The following SMAP1 variants were observed in gnomAD, a reference collection of about 807,000 sequenced individuals.
SMAP1 encodes the protein small ArfGAP 1.
In SMAP1, 24 loss-of-function variants were observed where a neutral mutation model predicts 58.5. The observed-to-expected ratio is 0.41, with a 90% CI of 0.30 to 0.58. The LOEUF is 0.58. SMAP1 is among the 20% of genes least tolerant of loss of function. The probability of loss-of-function intolerance (pLI) is 0.29; values close to 1 mark genes in which losing one functional copy is unlikely to be tolerated. For synonymous variants in SMAP1, 216 were observed against 196.6 expected, an observed-to-expected ratio of 1.10 and a Z score of -0.82; for missense variants, 563 against 566.3, an observed-to-expected ratio of 0.99 and a Z score of 0.06.
chr6:70,743,666 C>T (rs1161047658), intron 2 of SMAP1, among the ~76,000 whole-genome samples: 3 of 152,302 alleles, frequency 2.0e-5, no homozygotes, highest in East Asian at 1.9e-4. Flanking sequence ...ATAATTTGAT[C>T]AAGCTAACAA....
chr6:70,737,642 T>A (rs1244942546), intron 2 of SMAP1, among the ~76,000 whole-genome samples: 1 of 152,208 alleles, frequency 6.6e-6, no homozygotes, highest in Admixed American at 6.5e-5. Flanking sequence ...ACATTTATCA[T>A]ATGTGTCTTT....
chr6:70,858,405 A>C (rs1386139566), intron 10 of SMAP1, 176 bp downstream of exon 10: 1 of 560,228 alleles, frequency 1.8e-6, no homozygotes, highest in Admixed American at 3.7e-5. Flanking sequence ...TGTATCAGAT[A>C]GACAAATGAT....
At chr6:70,801,452 C>G (rs1768850100) in intron 6 of SMAP1, among the ~76,000 whole-genome samples, 1 of 151,984 alleles carries the variant, frequency 6.6e-6, no homozygotes. Context: ...AATTTTCTCC[C>G]ATTCTTTAGG....
rs1344666400 is a variant in SMAP1, at chr6:70,668,579, C to T, written c.118+438C>T. 7.8e-6 allele frequency: 12 copies of T among 1,535,656 alleles called. No individual in the cohort carries two copies. In the Admixed American group the frequency reaches 2.0e-4, roughly 25 times the overall value. ...AGGTCTGGATCCCCTCCTCTACCCT[C>T]CGGTGTGACCACGTCCTCCCACTCC... is the stretch of plus-strand genomic sequence containing the variant. On this transcript the variant is annotated intron_variant, in intron 1 of 10. Transcript: ENST00000370455.
chr6:70,732,627 A>G (rs1195924413), intron 2 of SMAP1, 116 bp downstream of exon 2: 9 of 823,076 alleles, frequency 1.1e-5, no homozygotes, highest in Non-Finnish European at 1.5e-5. Flanking sequence ...TTGAAATGGC[A>G]TATGCCACGT....
At chr6:70,743,779 G>A (rs1431897637) in intron 2 of SMAP1, among the ~76,000 whole-genome samples, 1 of 152,168 alleles carries the variant, frequency 6.6e-6, no homozygotes, top group African/African-American at 2.4e-5. Context: ...CATCTTCAAA[G>A]AAGAGCAGAG....
chr6:70,786,947 T>C (rs1269320380), intron 4 of SMAP1, among the ~76,000 whole-genome samples: 1 of 151,998 alleles, frequency 6.6e-6, no homozygotes, highest in African/African-American at 2.4e-5. Context: ...TGGAAAAAAC[T>C]ACTTTAAAGT....
chr6:70,732,948 G>T (rs1384348782), intron 2 of SMAP1, among the ~76,000 whole-genome samples: 4 of 152,144 alleles, frequency 2.6e-5, no homozygotes, highest in African/African-American at 9.7e-5. Context: ...AGACAACCCA[G>T]TGAACAAATG....
At chr6:70,671,535 G>A (rs150747675) in intron 1 of SMAP1, among the ~76,000 whole-genome samples, 36 of 152,182 alleles carry the variant, frequency 2.4e-4, no homozygotes, top group African/African-American at 8.4e-4. Flanking sequence ...CCGAGATCGC[G>A]CCACTGTACT....
In SMAP1 at chr6:70,763,106, CTTTTTT is replaced by C. The variant is rs35936929; in HGVS notation, c.338+8060_338+8065del. Among the ~76,000 whole-genome samples the C allele has an allele frequency of 2.2e-3, 189 of 84,468 alleles. 1 individual carries two copies. The highest frequency in any genetic ancestry group is 0.013 in the South Asian group (28 of 2,182). The allele number at this position is 84,468 out of a possible 152,430, so 55.4% of individuals were successfully genotyped here. A position where few individuals can be genotyped will look rare whatever the true frequency, so the allele number is the denominator to read the frequency against. On this transcript the variant is annotated intron_variant, in intron 3 of 10. Transcript: ENST00000370455. ...CTTTATTTGCACTGTACAGATATTA[CTTTTTT>C]TTTTTTTTTTTTTTTTTTACGAATT...
chr6:70,816,376 T>C (rs1282174555), intron 6 of SMAP1, among the ~76,000 whole-genome samples: 1 of 152,132 alleles, frequency 6.6e-6, no homozygotes, highest in Non-Finnish European at 1.5e-5. Context: ...AAATCCTGGC[T>C]GTAGTATGTA....
rs374707521 is a variant in SMAP1 at position 70,732,499 on chromosome 6, A to C, written c.240A>C (p.Ala80=). 58 of 1,586,288 alleles carry C rather than the reference A, an allele frequency of 3.7e-5. No individual in the cohort carries two copies. The highest frequency in any genetic ancestry group is 4.7e-5 in the Non-Finnish European group (55 of 1,166,066). Residue 80 remains alanine, a synonymous_variant, in exon 2 of 11, where the codon GCA becomes GCC. Transcript: ENST00000370455. ...VKSVNLDQWT[A]EQIQCMQDMG... is the part of the protein sequence containing the mutation. ...CAGTCAACCTAGACCAATGGACAGC[A>C]GAACAGATACAGGTAAACATGACGT...
intron 3 of SMAP1, chr6:70,759,856 G>A (rs1219169421): frequency 2.2e-6 from 1 of 449,248 alleles, no homozygotes; most frequent in East Asian, 7.0e-5. Flanking sequence ...AACAACAGCT[G>A]TAATAACTTT....
chr6:70,844,290 T>C (rs377210433), intron 7 of SMAP1, among the ~76,000 whole-genome samples: 2 of 152,248 alleles, frequency 1.3e-5, no homozygotes, highest in East Asian at 3.8e-4. Flanking sequence ...ATACCACTTC[T>C]CAGCTATTTC....
intron 4 of SMAP1, among the ~76,000 whole-genome samples, chr6:70,782,528 T>G (rs1767804963): frequency 6.6e-6 from 1 of 152,214 alleles, no homozygotes; most frequent in African/African-American, 2.4e-5. Flanking sequence ...GAGGCCTAGC[T>G]TCCCAGCCTA....
chr6:70,832,679 C>T (rs983207246), intron 6 of SMAP1, among the ~76,000 whole-genome samples: 1 of 152,190 alleles, frequency 6.6e-6, no homozygotes, highest in African/African-American at 2.4e-5. Flanking sequence ...GCTGTATCAT[C>T]CCATGGTTGG....
intron 7 of SMAP1, 31 bp downstream of exon 7, chr6:70,837,059 G>A (rs1265442525): frequency 1.1e-5 from 16 of 1,483,680 alleles, no homozygotes; most frequent in Non-Finnish European, 1.5e-5. Context: ...GTCACTGCTG[G>A]AGTTACAAAA....
chr6:70,805,991 C>A (rs1769111358), intron 6 of SMAP1, among the ~76,000 whole-genome samples: 1 of 152,200 alleles, frequency 6.6e-6, no homozygotes, highest in Admixed American at 6.5e-5. Flanking sequence ...GCAAGTGTGT[C>A]CATTCTCAGA....
Position 70,860,197 on chromosome 6 carries a change from C to G in SMAP1, c.1270-3C>G. The G allele has an allele frequency of 6.2e-7, 1 of 1,603,490 alleles. No individual in the cohort carries two copies. Among genetic ancestry groups the G allele is most frequent in the Non-Finnish European group, 8.5e-7 (1 of 1,176,200 alleles). On this transcript the variant is annotated splice_region_variant and splice_polypyrimidine_tract_variant and intron_variant, in intron 10 of 10. Transcript: ENST00000370455. ...TGAACTAAGCCTTTTATATGTTTCA[C>G]AGATGAATCAGCAGATGGCTGGCAT...
Sources: gnomAD v4.1 joint callset for allele counts (sites outside exome capture counted in the v4.1 genomes callset) on GRCh38, gnomAD v4.1.1 for gene constraint, MANE v1.5 for transcripts, NCBI Gene and HGNC (gene_info 2026-07-23, HGNC 2026-07-21) for gene names.